Variants in PCDH15 observed in about 807,000 individuals in gnomAD.
The protein encoded by PCDH15 is protocadherin-15.
A neutral mutation model predicts 178.5 loss-of-function variants in PCDH15; 129 were observed. The observed-to-expected ratio is 0.72, with a 90% CI of 0.63 to 0.84. The LOEUF (loss-of-function observed/expected upper bound fraction) is 0.84. Among genes scored for constraint, PCDH15 ranks in the 40% least tolerant of loss-of-function variants. The pLI, the probability that PCDH15 is intolerant of heterozygous loss-of-function variation, is 0.00. For synonymous variants in PCDH15, 800 were observed against 732.0 expected (o/e 1.09, Z -1.50); for missense variants, 2,230 against 2,099.9 (o/e 1.06, Z -1.21).
At chr10:54,373,920 G>GA (rs1173329169) in intron 4 of PCDH15, among the ~76,000 whole-genome samples, 4 of 151,978 alleles carry the variant, frequency 2.6e-5, no homozygotes, top group African/African-American at 9.7e-5. Context: ...GGTATGGTAA[G>GA]AAAAAATTGG....
At chr10:55,336,554 T>A (rs1379285560) in intron 2 of PCDH15, among the ~76,000 whole-genome samples, 1 of 152,068 alleles carries the variant, frequency 6.6e-6, no homozygotes, top group African/African-American at 2.4e-5. Context: ...TCTAAAGTAA[T>A]TCATAAAACC....
chr10:54,173,158 C>T (rs1329890217), intron 13 of PCDH15, among the ~76,000 whole-genome samples: 1 of 152,100 alleles, frequency 6.6e-6, no homozygotes, highest in African/African-American at 2.4e-5. Context: ...ATGTGCTAAA[C>T]ACTTAATAAT....
chr10:55,034,221 G>C (rs1449849239), intron 2 of PCDH15, among the ~76,000 whole-genome samples: 2 of 152,108 alleles, frequency 1.3e-5, no homozygotes, highest in Admixed American at 1.3e-4. Flanking sequence ...TAGGAAGCAA[G>C]AGATTACCTA....
chr10:53,938,706 C>A (rs1298686787), intron 25 of PCDH15, 109 bp downstream of exon 25: 15 of 1,199,130 alleles, frequency 1.3e-5, no homozygotes, highest in Non-Finnish European at 1.8e-5. Flanking sequence ...TATTAATGAT[C>A]TTTCTATGTT....
intron 6 of PCDH15, among the ~76,000 whole-genome samples, chr10:54,337,956 A>C (rs1941513685): frequency 6.6e-6 from 1 of 152,206 alleles, no homozygotes. Context: ...CTGTTCACTG[A>C]AATAAAGTCT....
At chr10:54,666,109 A>G (rs2135443407) in intron 1 of PCDH15, among the ~76,000 whole-genome samples, 1 of 152,194 alleles carries the variant, frequency 6.6e-6, no homozygotes, top group Non-Finnish European at 1.5e-5. Flanking sequence ...AGGGAATATA[A>G]ATACGTGCTT....
intron 2 of PCDH15, among the ~76,000 whole-genome samples, chr10:55,510,854 A>ATATATATACTATATATATAG (rs1565209321): frequency 6.7e-6 from 1 of 149,178 alleles, no homozygotes; most frequent in Non-Finnish European, 1.5e-5. Context: ...TATATATATA[A>ATATATATACTATATATATAG]TATATATACA....
rs1305374401 is a variant in PCDH15, at chr10:53,804,031, G to A, written c.*2548C>T. On this transcript the variant is annotated 3_prime_UTR_variant, in exon 38 of 38. Transcript: ENST00000644397. ...TTTAATCCTGAGTCAGGGATTTATA[G>A]ACTAGTGAAAGTTCTATGAAAGTAA... 1 of 151,936 alleles carries A rather than the reference G, an allele frequency of 6.6e-6. No individual in the cohort carries two copies. Among genetic ancestry groups the A allele is most frequent in the Non-Finnish European group, 1.5e-5 (1 of 67,902 alleles). 9.4% of individuals were successfully genotyped at this position (151,936 alleles called of 1,614,324 possible).
chr10:54,556,283 G>A (rs1164390106), intron 2 of PCDH15, among the ~76,000 whole-genome samples: 1 of 152,240 alleles, frequency 6.6e-6, no homozygotes, highest in East Asian at 1.9e-4. Context: ...AAAAATCAAT[G>A]ATGTACCTGG....
chr10:53,956,057 T>C (rs994217151), intron 23 of PCDH15, among the ~76,000 whole-genome samples: 12 of 152,196 alleles, frequency 7.9e-5, no homozygotes, highest in Admixed American at 2.0e-4. Context: ...TATTCATATT[T>C]TGCAATATGA....
chr10:54,863,474 G>A lies in PCDH15; in HGVS notation c.-29+33976C>T, dbSNP rs552843292. Among the ~76,000 whole-genome samples, 209 of 152,240 alleles carry A rather than the reference G, an allele frequency of 1.4e-3. 2 individuals are homozygous for A. The highest frequency in any genetic ancestry group is 2.2e-3 in the Non-Finnish European group (151 of 68,024). On this transcript the variant is annotated intron_variant, in intron 3 of 5. Transcript: ENST00000458638. Reference sequence around the variant, plus strand: ...GGAGAATGGCGTGAACCCAGGAGGCGGAGCTTGCAGCGAGCCGAGATCGTG... The same window carrying A: ...GGAGAATGGCGTGAACCCAGGAGGCAGAGCTTGCAGCGAGCCGAGATCGTG...
intron 2 of PCDH15, among the ~76,000 whole-genome samples, chr10:55,391,540 G>C (rs1837792950): frequency 6.6e-6 from 1 of 152,048 alleles, no homozygotes; most frequent in Admixed American, 6.6e-5. Context: ...AGGATGGATT[G>C]GAATGGAGCA....
At chr10:55,070,623 G>A (rs1345588275) in intron 2 of PCDH15, among the ~76,000 whole-genome samples, 1 of 152,098 alleles carries the variant, frequency 6.6e-6, no homozygotes, top group African/African-American at 2.4e-5. Context: ...GCTCTGTTCT[G>A]TTCCATTGAT....
chr10:55,269,001 A>G (rs1842370866), intron 1 of PCDH15, among the ~76,000 whole-genome samples: 1 of 152,156 alleles, frequency 6.6e-6, no homozygotes, highest in Non-Finnish European at 1.5e-5. Flanking sequence ...AATAAATGTG[A>G]TTCACCACAT....
chr10:55,052,537 C>CAA (rs71014444), intron 2 of PCDH15, among the ~76,000 whole-genome samples: 713 of 39,352 alleles, frequency 0.018, 259 homozygotes, highest in African/African-American at 0.035. Context: ...CCGTCTCATA[C>CAA]AAAAAAAAAA....
chr10:55,190,263 T>TC, intron 1 of PCDH15, among the ~76,000 whole-genome samples: 2 of 91,432 alleles, frequency 2.2e-5, no homozygotes, highest in Admixed American at 2.0e-4. Context: ...TCTGAAGTTA[T>TC]TAAAAAAAAA....
intron 3 of PCDH15, among the ~76,000 whole-genome samples, chr10:54,830,432 T>C (rs1953203192): frequency 1.3e-5 from 2 of 152,048 alleles, no homozygotes; most frequent in African/African-American, 2.4e-5. Context: ...ATGTCCTTTG[T>C]AGGGACATGG....
intron 2 of PCDH15, among the ~76,000 whole-genome samples, chr10:55,052,777 C>T (rs1004988532): frequency 4.6e-5 from 7 of 151,926 alleles, no homozygotes; most frequent in African/African-American, 1.7e-4. Flanking sequence ...ATCCTAAGGT[C>T]AAGTCTTTAG....
chr10:54,179,823 A>G (rs1057339073), intron 13 of PCDH15, among the ~76,000 whole-genome samples: 1 of 152,210 alleles, frequency 6.6e-6, no homozygotes, highest in Non-Finnish European at 1.5e-5. Flanking sequence ...ATCATTGAGA[A>G]TCACAGTTTA....
Sources: allele counts gnomAD v4.1 joint callset (sites outside exome capture counted in the v4.1 genomes callset), GRCh38; gene constraint gnomAD v4.1.1; transcripts MANE v1.5; gene names NCBI Gene and HGNC (gene_info 2026-07-23, HGNC 2026-07-21).